FKTN: variants seen among roughly 807,000 people sequenced by gnomAD.
FKTN encodes the protein ribitol-5-phosphate transferase FKTN.
FKTN carries 47 observed loss-of-function variants against 58.6 expected under a neutral mutation model. That is an observed-to-expected ratio of 0.80 (90% CI 0.63 to 1.02). The LOEUF (loss-of-function observed/expected upper bound fraction) is 1.02. FKTN is among the 50% of genes least tolerant of loss of function. The probability of loss-of-function intolerance (pLI) is 0.00; values close to 1 mark genes in which losing one functional copy is unlikely to be tolerated. For synonymous variants in FKTN, 178 were observed against 191.9 expected (o/e 0.93, Z 0.60); for missense variants, 516 against 537.3 (o/e 0.96, Z 0.39).
chr9:105,604,067 T>C (rs913504788), intron 5 of FKTN, 148 bp from the exon 6 acceptor site: 1 of 765,524 alleles, frequency 1.3e-6, no homozygotes, highest in African/African-American at 1.7e-5. Flanking sequence ...ATCACCCTCA[T>C]TAAAAAATGT....
In FKTN at chr9:105,618,465, C is replaced by T. The variant is rs953443822; in HGVS notation, c.1044+373C>T. On this transcript the variant is annotated intron_variant, in intron 9 of 10. Transcript: ENST00000357998. Reference sequence around the variant, plus strand: ...ACAATTAATAAGTAAGAATCCCACCCGCCGTACCTGATTGTTTCTCATGAG... The same window carrying T: ...ACAATTAATAAGTAAGAATCCCACCTGCCGTACCTGATTGTTTCTCATGAG... Among the ~76,000 whole-genome samples, 16 of 152,232 alleles carry T rather than the reference C, an allele frequency of 1.1e-4. No individual in the cohort carries two copies. In the East Asian group the frequency reaches 1.9e-3, roughly 18 times the overall value.
chr9:105,563,649 G>A (rs1838772220), intron 1 of FKTN, among the ~76,000 whole-genome samples: 1 of 152,192 alleles, frequency 6.6e-6, no homozygotes, highest in African/African-American at 2.4e-5. Flanking sequence ...AAACAGAGGG[G>A]CCGGGAAGCT....
intron 5 of FKTN, among the ~76,000 whole-genome samples, chr9:105,601,686 C>G (rs1827900300): frequency 6.6e-6 from 1 of 152,100 alleles, no homozygotes; most frequent in African/African-American, 2.4e-5. Context: ...ATGTTCACAA[C>G]AGGAAGATGA....
intron 1 of FKTN, among the ~76,000 whole-genome samples, chr9:105,572,113 GGGA>G (rs1254335804): frequency 2.0e-5 from 3 of 151,886 alleles, no homozygotes; most frequent in Admixed American, 2.0e-4. Context: ...TCACAGTTTT[GGGA>G]GATACAAAAT....
chr9:105,640,417 G>C lies in FKTN; in HGVS notation c.*5153G>C. ...AATACAAAAAAATTAGCTGGGCATG[G>C]TGGTGCACGCCTATAGTCCCAGCTA... is the stretch of plus-strand genomic sequence containing the variant. On this transcript the variant is annotated 3_prime_UTR_variant, in exon 11 of 11. Transcript: ENST00000357998. The C allele has an allele frequency of 3.6e-6, 1 of 274,668 alleles. No individual in the cohort carries two copies. The highest frequency in any genetic ancestry group is 6.8e-5 in the South Asian group (1 of 14,648). 17.0% of individuals were successfully genotyped at this position (274,668 alleles called of 1,614,324 possible).
chr9:105,605,479 A>G (rs1245514499), intron 6 of FKTN, among the ~76,000 whole-genome samples: 1 of 152,206 alleles, frequency 6.6e-6, no homozygotes, highest in Non-Finnish European at 1.5e-5. Flanking sequence ...TATTAGGAAT[A>G]ATATAACCAC....
At position 105,607,971 on chromosome 9, in the gene FKTN, G is replaced by C. The variant is rs560193714; in HGVS notation, c.780+20G>C. On this transcript the variant is annotated intron_variant, in intron 7 of 10. Coordinates refer to ENST00000357998, the MANE Select transcript of FKTN (RefSeq NM_001079802.2). ...TTTCAGGTTAGAGACAACCAAATGT[G>C]TACTTTTAAATTAAAGAAAATGTTG... The C allele has an allele frequency of 2.5e-6, 4 of 1,602,060 alleles. No individual in the cohort carries two copies. Among genetic ancestry groups the C allele is most frequent in the South Asian group, 1.1e-5 (1 of 90,834 alleles).
chr9:105,572,587 G>A (rs1020894855), intron 1 of FKTN, among the ~76,000 whole-genome samples: 1 of 152,140 alleles, frequency 6.6e-6, no homozygotes, highest in East Asian at 1.9e-4. Context: ...TGCATAGAAA[G>A]GCAATGGGAA....
chr9:105,635,729 T>C lies in FKTN; in HGVS notation c.*465T>C. 1 of 1,023,794 alleles carries C rather than the reference T, an allele frequency of 9.8e-7. No homozygotes were observed. The allele number at this position is 1,023,794 out of a possible 1,614,324, so 63.4% of individuals were successfully genotyped here. A position where few individuals can be genotyped will look rare whatever the true frequency, so the allele number is the denominator to read the frequency against. ...TATGTTAGTGCTACTTTTAAGATTGTGGAGTCTGAGTTAATATTCAAGTGA... is the reference window on the plus strand; with the variant it reads ...TATGTTAGTGCTACTTTTAAGATTGCGGAGTCTGAGTTAATATTCAAGTGA... On this transcript the variant is annotated 3_prime_UTR_variant, in exon 11 of 11. Transcript: ENST00000357998.
intron 3 of FKTN, among the ~76,000 whole-genome samples, chr9:105,589,954 A>T (rs1402355449): frequency 6.6e-6 from 1 of 152,218 alleles, no homozygotes; most frequent in African/African-American, 2.4e-5. Context: ...CCTGTTACTT[A>T]GGGTCTTGTA....
chr9:105,630,539 T>C (rs1833288365), intron 10 of FKTN, among the ~76,000 whole-genome samples: 1 of 152,200 alleles, frequency 6.6e-6, no homozygotes, highest in Admixed American at 6.5e-5. Flanking sequence ...GTACAGCTTA[T>C]TTCAGGCAAT....
intron 3 of FKTN, among the ~76,000 whole-genome samples, chr9:105,583,532 A>C (rs1309332478): frequency 6.6e-6 from 1 of 151,996 alleles, no homozygotes; most frequent in Non-Finnish European, 1.5e-5. Flanking sequence ...ACTTCTTCTT[A>C]TTTGTGTCTT....
At chr9:105,575,187 A>G (rs747056648) in intron 3 of FKTN, 50 bp downstream of exon 3, 13 of 1,039,788 alleles carry the variant, frequency 1.3e-5, no homozygotes, top group Admixed American at 1.7e-5. Flanking sequence ...ATCATTGTAT[A>G]TTTTCTGATC....
chr9:105,582,039 C>T lies in FKTN; in HGVS notation c.105+6902C>T, dbSNP rs543859418. 1.9e-4 allele frequency among the ~76,000 whole-genome samples: 29 copies of T among 152,238 alleles called. No homozygotes were observed. In the East Asian group the frequency reaches 1.9e-3, roughly 10 times the overall value. ...CCTGCTTCGGCTCGCGCACGGTGCG[C>T]GCACCCACTAGCCTGCGCCCACTGT... On this transcript the variant is annotated intron_variant, in intron 3 of 10. Transcript: ENST00000357998.
intron 5 of FKTN, among the ~76,000 whole-genome samples, 159 bp from the exon 6 acceptor site, chr9:105,604,056 C>T (rs1828398671): frequency 6.6e-6 from 1 of 152,096 alleles, no homozygotes; most frequent in Non-Finnish European, 1.5e-5. Flanking sequence ...ACCTTCTGCC[C>T]ATCACCCTCA....
At chr9:105,586,145 G>A (rs147008024) in intron 3 of FKTN, among the ~76,000 whole-genome samples, 5 of 152,240 alleles carry the variant, frequency 3.3e-5, no homozygotes, top group African/African-American at 9.6e-5. Flanking sequence ...GGTCCTAGCT[G>A]GTTAGACAAG....
rs748643266 is a variant in FKTN, at chr9:105,638,720, T to C, written c.*3456T>C. ...TTATCTGCTTGGCTGGAAAGGAGAC[T>C]AGAGTATCTAGTTTTTAGTATTTAA... On this transcript the variant is annotated 3_prime_UTR_variant, in exon 11 of 11. Transcript: ENST00000357998. 1.4e-4 allele frequency: 137 copies of C among 981,052 alleles called. 3 individuals carry two copies. In the Middle Eastern group the frequency reaches 5.2e-3, roughly 37 times the overall value. 60.8% of individuals were successfully genotyped at this position (981,052 alleles called of 1,614,324 possible).
intron 1 of FKTN, among the ~76,000 whole-genome samples, chr9:105,566,219 C>G (rs563625560): frequency 6.6e-6 from 1 of 152,082 alleles, no homozygotes; most frequent in African/African-American, 2.4e-5. Flanking sequence ...AATTGACACC[C>G]TAACATCACA....
chr9:105,602,749 G>A (rs1828126272), intron 5 of FKTN, among the ~76,000 whole-genome samples: 1 of 151,782 alleles, frequency 6.6e-6, no homozygotes, highest in African/African-American at 2.4e-5. Context: ...TAGTAGGGAC[G>A]GGGTTTCACC....
Sources: gnomAD v4.1 joint callset for allele counts (sites outside exome capture counted in the v4.1 genomes callset) on GRCh38, gnomAD v4.1.1 for gene constraint, MANE v1.5 for transcripts, NCBI Gene and HGNC (gene_info 2026-07-23, HGNC 2026-07-21) for gene names.